NDRG3: variants seen among roughly 807,000 people sequenced by gnomAD.
NDRG3 encodes NDRG family member 3.
NDRG3 carries 23 observed loss-of-function variants against 57.2 expected under a neutral mutation model. The observed-to-expected ratio is 0.40, with a 90% CI of 0.29 to 0.57. The LOEUF (loss-of-function observed/expected upper bound fraction) is 0.57. Ranked by LOEUF, NDRG3 falls within the 20% of genes least tolerant of loss-of-function variation. The probability of loss-of-function intolerance (pLI) is 0.42; values close to 1 mark genes in which losing one functional copy is unlikely to be tolerated. For synonymous variants in NDRG3, 132 were observed against 162.6 expected (o/e 0.81, Z 1.43); for missense variants, 384 against 457.3 (o/e 0.84, Z 1.46).
chr20:36,722,828 T>TA lies in NDRG3; in HGVS notation c.-48-1046dup, dbSNP rs1197293271. Among the ~76,000 whole-genome samples the TA allele has an allele frequency of 4.6e-5, 7 of 152,284 alleles. No homozygotes were observed. The East Asian group carries it at 1.4e-3, about 29-fold the overall frequency. On this transcript the variant is annotated intron_variant, in intron 1 of 15. Transcript: ENST00000349004. ...AATCAGGGATGGCTCGTGTAACTAA[T>TA]AGAATATGGAGGAAGCAACAATATG...
At chr20:36,673,128 T>C (rs545641259) in intron 8 of NDRG3, among the ~76,000 whole-genome samples, 23 of 152,152 alleles carry the variant, frequency 1.5e-4, no homozygotes, top group Non-Finnish European at 2.6e-4. Flanking sequence ...CCTCCCAAAG[T>C]GCTGGGATTA....
intron 2 of NDRG3, among the ~76,000 whole-genome samples, chr20:36,717,771 T>C (rs1383845837): frequency 6.6e-6 from 1 of 152,232 alleles, no homozygotes; most frequent in Non-Finnish European, 1.5e-5. Flanking sequence ...CTGAAGGCTT[T>C]TCCTCTATAC....
chr20:36,653,460 A>G lies in NDRG3; in HGVS notation c.*60T>C. 1 of 1,470,264 alleles carries G rather than the reference A, an allele frequency of 6.8e-7. No homozygotes were observed. Among genetic ancestry groups the G allele is most frequent in the South Asian group, 1.2e-5 (1 of 81,512 alleles). 91.1% of individuals were successfully genotyped at this position (1,470,264 alleles called of 1,614,324 possible). ...AGGCCAGTTTACTGGATGAAATGTTATATTATGGAGTGGTCATTTGAAGGA... is the reference window on the plus strand; with the variant it reads ...AGGCCAGTTTACTGGATGAAATGTTGTATTATGGAGTGGTCATTTGAAGGA... On this transcript the variant is annotated 3_prime_UTR_variant, in exon 16 of 16. Transcript: ENST00000349004. This position sits in a 1 kb window ranked among gnomAD's most constrained non-coding sequence, Gnocchi z 4.2.
Position 36,653,660 on chromosome 20 carries a change from G to T in NDRG3, c.988C>A (p.His330Asn). The T allele has an allele frequency of 6.2e-7, 1 of 1,614,094 alleles. No individual in the cohort carries two copies. Among genetic ancestry groups the T allele is most frequent in the Non-Finnish European group, 8.5e-7 (1 of 1,180,046 alleles). The change falls in exon 16 of 16, where the codon CAC becomes AAC. Residue 330 changes from histidine to asparagine, a missense_variant. Coordinates refer to ENST00000349004, the MANE Select transcript of NDRG3 (RefSeq NM_032013.4). This position sits in a 1 kb window ranked among gnomAD's most constrained non-coding sequence, Gnocchi z 4.2. ...GAGCCGAGGCTACTCGAGGTTGAGT[G>T]GGTTCGTGATCGGGCGAGCCGAGTC... Reference protein sequence around the residue: ...SMTRLARSRTHSTSSSLGSGE... With the variant: ...SMTRLARSRTNSTSSSLGSGE...
At chr20:36,661,272 G>A (rs1040119456) in intron 12 of NDRG3, among the ~76,000 whole-genome samples, 18 of 152,192 alleles carry the variant, frequency 1.2e-4, no homozygotes, top group Non-Finnish European at 2.9e-5. Context: ...ACAGCCCTGT[G>A]CATTCACATG....
chr20:36,732,071 C>T (rs1187515403), intron 1 of NDRG3, among the ~76,000 whole-genome samples: 3 of 151,374 alleles, frequency 2.0e-5, no homozygotes, highest in South Asian at 2.1e-4. Context: ...CAGCGAGCCA[C>T]GACTGCACCG....
At chr20:36,702,663 A>G (rs1389697508) in intron 3 of NDRG3, among the ~76,000 whole-genome samples, 1 of 150,730 alleles carries the variant, frequency 6.6e-6, no homozygotes, top group Admixed American at 6.6e-5. Context: ...AGCTGGGATT[A>G]CAGGCACCTG....
chr20:36,723,000 C>T (rs1325292368), intron 1 of NDRG3, among the ~76,000 whole-genome samples: 4 of 152,196 alleles, frequency 2.6e-5, no homozygotes, highest in Non-Finnish European at 1.5e-5. Context: ...AACCAACTTG[C>T]CAGCACCAAC....
At chr20:36,677,301 G>C (rs143010230) in intron 8 of NDRG3, among the ~76,000 whole-genome samples, 1 of 152,222 alleles carries the variant, frequency 6.6e-6, no homozygotes, top group Admixed American at 6.5e-5. Context: ...TGGGCAGAAG[G>C]GGGCAGGGTT....
intron 8 of NDRG3, among the ~76,000 whole-genome samples, chr20:36,679,628 C>T (rs1383332801): frequency 1.3e-5 from 2 of 151,760 alleles, no homozygotes; most frequent in African/African-American, 4.8e-5. Flanking sequence ...CTCAGCCCCC[C>T]GAGTAGCTGG....
At chr20:36,675,113 G>A (rs1462576909) in intron 8 of NDRG3, among the ~76,000 whole-genome samples, 1 of 138,146 alleles carries the variant, frequency 7.2e-6, no homozygotes, top group Non-Finnish European at 1.5e-5. Flanking sequence ...AGGCTAGAAT[G>A]CAGTGGCATG....
chr20:36,743,129 A>G (rs1473972120), intron 1 of NDRG3, among the ~76,000 whole-genome samples: 1 of 152,248 alleles, frequency 6.6e-6, no homozygotes, highest in Non-Finnish European at 1.5e-5. Context: ...AGTACCCTGT[A>G]CATCGAAATA....
chr20:36,668,767 C>T (rs1032011762), intron 9 of NDRG3: 2 of 150,968 alleles, frequency 1.3e-5, no homozygotes, highest in African/African-American at 4.9e-5. Flanking sequence ...TATATATGTA[C>T]ATACATAGTT....
chr20:36,707,951 G>A (rs1431741986), intron 2 of NDRG3, among the ~76,000 whole-genome samples: 1 of 152,048 alleles, frequency 6.6e-6, no homozygotes, highest in East Asian at 1.9e-4. Context: ...GGGTGTTGTG[G>A]TGTGCACCTG....
chr20:36,705,657 T>C lies in NDRG3; in HGVS notation c.93+1315A>G, dbSNP rs896664325. Among the ~76,000 whole-genome samples the C allele has an allele frequency of 2.0e-5, 3 of 152,204 alleles. No individual in the cohort carries two copies. In the South Asian group the frequency reaches 6.2e-4, roughly 31 times the overall value. On this transcript the variant is annotated intron_variant, in intron 3 of 15. Coordinates refer to ENST00000349004, the MANE Select transcript of NDRG3 (RefSeq NM_032013.4). Reference sequence around the variant, plus strand: ...TCACTTCTGTTACTGCTATGGCATCTATCCCAAAAGTGGGAGGGTCAGGCT... The same window carrying C: ...TCACTTCTGTTACTGCTATGGCATCCATCCCAAAAGTGGGAGGGTCAGGCT...
chr20:36,662,760 T>C (rs2148034788), intron 12 of NDRG3, among the ~76,000 whole-genome samples: 1 of 152,300 alleles, frequency 6.6e-6, no homozygotes, highest in South Asian at 2.1e-4. Context: ...GGTTTGACTG[T>C]GTATGAAAGA....
At chr20:36,710,484 A>T (rs1022384166) in intron 2 of NDRG3, among the ~76,000 whole-genome samples, 1 of 152,150 alleles carries the variant, frequency 6.6e-6, no homozygotes, top group Non-Finnish European at 1.5e-5. Context: ...AGAAAACCCT[A>T]AAAAAATACC....
At chr20:36,654,868 C>T (rs778342140) in intron 15 of NDRG3, 1 of 779,664 alleles carries the variant, frequency 1.3e-6, no homozygotes, top group East Asian at 2.4e-5. Context: ...CAGGAAAAGG[C>T]AGGTTAGTGA....
intron 2 of NDRG3, among the ~76,000 whole-genome samples, chr20:36,715,030 A>G (rs1218944545): frequency 2.6e-5 from 3 of 117,154 alleles, no homozygotes; most frequent in Admixed American, 8.5e-5. Context: ...ATATATATAT[A>G]TATATATATA....
Sources: allele counts gnomAD v4.1 joint callset (sites outside exome capture counted in the v4.1 genomes callset), GRCh38; gene constraint gnomAD v4.1.1; non-coding constraint Gnocchi (gnomAD v3.1); transcripts MANE v1.5; gene names NCBI Gene and HGNC (gene_info 2026-07-23, HGNC 2026-07-21).